The following SULT1C3 variants were observed in gnomAD, a reference collection of about 807,000 sequenced individuals.
SULT1C3 encodes sulfotransferase family 1C member 3, also known as sulfotransferase 1C3.
A neutral mutation model predicts 28.4 loss-of-function variants in SULT1C3; 31 were observed. That is an observed-to-expected ratio of 1.09 (90% CI 0.82 to 1.47). The LOEUF (loss-of-function observed/expected upper bound fraction) is 1.47. SULT1C3 is among the 40% of genes most tolerant of loss of function. The pLI is 0.00. For synonymous variants in SULT1C3, 106 were observed against 92.2 expected, an observed-to-expected ratio of 1.15 and a Z score of -0.86; for missense variants, 307 against 272.5, an observed-to-expected ratio of 1.13 and a Z score of -0.89.
intron 1 of SULT1C3, among the ~76,000 whole-genome samples, chr2:108,244,107 C>A (rs1179344442): frequency 6.6e-6 from 1 of 150,494 alleles, no homozygotes; most frequent in Non-Finnish European, 1.5e-5. Context: ...CAAAGCACAC[C>A]AAATTGTCTA....
chr2:108,242,538 C>T (rs554491922), intron 1 of SULT1C3, among the ~76,000 whole-genome samples: 7 of 152,288 alleles, frequency 4.6e-5, no homozygotes, highest in African/African-American at 1.7e-4. Context: ...TGGCCAAGAG[C>T]ATGCTTCTCT....
chr2:108,248,431 T>C (rs141579554), intron 2 of SULT1C3, among the ~76,000 whole-genome samples: 139 of 152,278 alleles, frequency 9.1e-4, no homozygotes, highest in Middle Eastern at 6.8e-3. Context: ...GGTATAGTTA[T>C]AGGGTGCAAA....
chr2:108,256,722 A>G (rs1276663151), intron 5 of SULT1C3, among the ~76,000 whole-genome samples: 4 of 152,104 alleles, frequency 2.6e-5, no homozygotes, highest in Admixed American at 6.6e-5. Flanking sequence ...GACTTCCACA[A>G]CATGACCTGA....
intron 1 of SULT1C3, among the ~76,000 whole-genome samples, chr2:108,244,684 GT>G (rs1260069181): frequency 4.6e-5 from 7 of 152,126 alleles, no homozygotes; most frequent in African/African-American, 1.7e-4. Flanking sequence ...TATCAGGGTG[GT>G]CAGAAAATCA....
At chr2:108,255,915 G>T (rs1380563580) in intron 5 of SULT1C3, among the ~76,000 whole-genome samples, 1 of 151,942 alleles carries the variant, frequency 6.6e-6, no homozygotes, top group Non-Finnish European at 1.5e-5. Flanking sequence ...TTGAGACAAA[G>T]GTAAAAAGCC....
At chr2:108,262,381 T>G (rs1251519551), downstream of SULT1C3, among the ~76,000 whole-genome samples, 2 of 152,200 alleles carry the variant, frequency 1.3e-5, no homozygotes, top group Non-Finnish European at 2.9e-5. Context: ...AGCAATTGAA[T>G]GCTGTCAATA....
At chr2:108,243,688 C>A (rs1232383821) in intron 1 of SULT1C3, among the ~76,000 whole-genome samples, 1 of 151,882 alleles carries the variant, frequency 6.6e-6, no homozygotes, top group Non-Finnish European at 1.5e-5. Context: ...AAAAAACTAG[C>A]CAGAAGTCTT....
intron 1 of SULT1C3, among the ~76,000 whole-genome samples, chr2:108,245,590 C>T (rs914588647): frequency 1.2e-4 from 19 of 152,096 alleles, no homozygotes; most frequent in Non-Finnish European, 1.5e-4. Flanking sequence ...CAGGGTAACA[C>T]GGTTGTAGTA....
intron 2 of SULT1C3, among the ~76,000 whole-genome samples, chr2:108,249,310 T>G (rs1675670385): frequency 6.6e-6 from 1 of 151,952 alleles, no homozygotes; most frequent in Admixed American, 6.6e-5. Context: ...TATTAAAATA[T>G]TACTAAAAAT....
chr2:108,263,021 C>A (rs1472732753), downstream of SULT1C3, among the ~76,000 whole-genome samples: 1 of 152,178 alleles, frequency 6.6e-6, no homozygotes, highest in Non-Finnish European at 1.5e-5. Context: ...TAATTTATAA[C>A]TAAGATCTGA....
intron 1 of SULT1C3, among the ~76,000 whole-genome samples, chr2:108,240,708 G>A (rs1043053016): frequency 4.6e-5 from 7 of 152,098 alleles, no homozygotes; most frequent in Non-Finnish European, 8.8e-5. Context: ...AGCAGGGTTC[G>A]TCTAAAATGT....
At chr2:108,255,734 A>C in intron 5 of SULT1C3, 36 bp downstream of exon 5, 1 of 1,597,218 alleles carries the variant, frequency 6.3e-7, no homozygotes, top group Non-Finnish European at 8.5e-7. Flanking sequence ...ACCCTCTTTC[A>C]GGTGACTCTA....
At chr2:108,243,874 C>T (rs1199360387) in intron 1 of SULT1C3, among the ~76,000 whole-genome samples, 1 of 152,186 alleles carries the variant, frequency 6.6e-6, no homozygotes, top group Non-Finnish European at 1.5e-5. Flanking sequence ...CAGGAACTGA[C>T]TTAGCACAAG....
intron 1 of SULT1C3, among the ~76,000 whole-genome samples, chr2:108,245,635 C>T (rs7602887): frequency 0.026 from 3,898 of 152,184 alleles, 186 homozygotes; most frequent in African/African-American, 0.089. Context: ...CTAGGCTGCA[C>T]ACAACGCGGG....
intron 1 of SULT1C3, among the ~76,000 whole-genome samples, chr2:108,243,677 C>CA (rs1269426508): frequency 1.3e-5 from 2 of 151,588 alleles, no homozygotes; most frequent in East Asian, 3.9e-4. Context: ...GGAACAAGAC[C>CA]AAAAAACTAG....
chr2:108,258,807 C>T lies in SULT1C3; in HGVS notation c.600C>T (p.Leu200=). ...AAGACATGCACCGGATCCTCTACCT[C>T]TTCTACGAGGATATTAAAAAAGTAA... ...AAKDMHRILY[L]FYEDIKKNPK... The change falls in exon 6 of 8, where the codon CTC becomes CTT. Residue 200 remains leucine (L), a synonymous_variant. Transcript: ENST00000681802. 6.2e-7 allele frequency: 1 copy of T among 1,612,508 alleles called. No individual in the cohort carries two copies. The highest frequency in any genetic ancestry group is 1.7e-4 in the Middle Eastern group (1 of 6,050).
chr2:108,250,658 AT>A, intron 2 of SULT1C3, among the ~76,000 whole-genome samples: 1 of 152,142 alleles, frequency 6.6e-6, no homozygotes, highest in Non-Finnish European at 1.5e-5. Flanking sequence ...CTAAATTCGT[AT>A]TGTCATATAA....
At chr2:108,247,127 C>T in intron 1 of SULT1C3, 61 bp from the exon 2 acceptor site, 1 of 1,293,180 alleles carries the variant, frequency 7.7e-7, no homozygotes, top group Non-Finnish European at 1.0e-6. Flanking sequence ...ATAACCCATA[C>T]TATGAACCAT....
intron 1 of SULT1C3, among the ~76,000 whole-genome samples, chr2:108,241,669 T>G (rs903917942): frequency 1.8e-4 from 28 of 152,198 alleles, no homozygotes; most frequent in Non-Finnish European, 7.3e-5. Flanking sequence ...GGCTCATGCC[T>G]GTAATCCCAG....
Sources: gnomAD v4.1 joint callset for allele counts (sites outside exome capture counted in the v4.1 genomes callset) on GRCh38, gnomAD v4.1.1 for gene constraint, MANE v1.5 for transcripts, NCBI Gene and HGNC (gene_info 2026-07-23, HGNC 2026-07-21) for gene names.